TNS3: variants seen among roughly 807,000 people sequenced by gnomAD.
TNS3 encodes the protein tensin-3.
A neutral mutation model predicts 140.9 loss-of-function variants in TNS3; 45 were observed. That is an observed-to-expected ratio of 0.32 (90% CI 0.25 to 0.41). The LOEUF (loss-of-function observed/expected upper bound fraction) is 0.41. Ranked by LOEUF, TNS3 falls within the 10% of genes least tolerant of loss-of-function variation. The probability of loss-of-function intolerance (pLI) is 1.00; values close to 1 mark genes in which losing one functional copy is unlikely to be tolerated. For missense variants in TNS3, 1,716 were observed against 1,906.7 expected, an observed-to-expected ratio of 0.90 and a Z score of 1.86; for synonymous variants, 815 against 788.4, an observed-to-expected ratio of 1.03 and a Z score of -0.56.
At chr7:47,318,015 C>T (rs745408895) in intron 20 of TNS3, among the ~76,000 whole-genome samples, 2 of 152,210 alleles carry the variant, frequency 1.3e-5, no homozygotes, top group Non-Finnish European at 2.9e-5. Context: ...CAAGTACATT[C>T]ACTTTTTCGT....
At chr7:47,289,896 T>C (rs1785604995) in intron 27 of TNS3, among the ~76,000 whole-genome samples, 1 of 152,214 alleles carries the variant, frequency 6.6e-6, no homozygotes, top group Non-Finnish European at 1.5e-5. Flanking sequence ...AAAGTGATTC[T>C]ACAGTTAATA....
chr7:47,427,755 G>T (rs137980199), intron 9 of TNS3, among the ~76,000 whole-genome samples: 1 of 152,308 alleles, frequency 6.6e-6, no homozygotes, highest in East Asian at 1.9e-4. Context: ...CCACTCCTAG[G>T]CTGTGAGATC....
At chr7:47,509,151 G>A (rs334501) in intron 2 of TNS3, among the ~76,000 whole-genome samples, 53,037 of 152,176 alleles carry the variant, frequency 0.35, 10,733 homozygotes, top group Non-Finnish European at 0.46. Context: ...GGTGGCAGTG[G>A]TATGATACAT....
intron 9 of TNS3, among the ~76,000 whole-genome samples, chr7:47,426,036 C>T (rs1794628944): frequency 6.6e-6 from 1 of 151,786 alleles, no homozygotes; most frequent in African/African-American, 2.4e-5. Flanking sequence ...AAAAAACACA[C>T]ACTTAGGAGG....
intron 5 of TNS3, 79 bp downstream of exon 5, chr7:47,441,924 T>C (rs1795484550): frequency 9.8e-7 from 1 of 1,017,238 alleles, no homozygotes; most frequent in Admixed American, 2.3e-5. Context: ...AAGAAAATGA[T>C]GCCATGCCCA....
chr7:47,438,663 G>A (rs1795310826), intron 6 of TNS3, among the ~76,000 whole-genome samples: 3 of 152,158 alleles, frequency 2.0e-5, no homozygotes, highest in Admixed American at 2.0e-4. Context: ...GGCCAGGGCT[G>A]CTCTGGCATC....
chr7:47,380,954 A>G (rs1302435684), intron 16 of TNS3, among the ~76,000 whole-genome samples: 2 of 152,170 alleles, frequency 1.3e-5, no homozygotes, highest in Non-Finnish European at 2.9e-5. Context: ...CCACTAGTGT[A>G]GAAGGTAAAA....
At chr7:47,516,499 C>T (rs1455964315) in intron 2 of TNS3, among the ~76,000 whole-genome samples, 1 of 152,110 alleles carries the variant, frequency 6.6e-6, no homozygotes, top group African/African-American at 2.4e-5. Flanking sequence ...GCCTTGTCTA[C>T]ACCTGCAGTG....
At chr7:47,372,025 C>T (rs1230753943) in intron 16 of TNS3, among the ~76,000 whole-genome samples, 1 of 152,254 alleles carries the variant, frequency 6.6e-6, no homozygotes, top group African/African-American at 2.4e-5. Context: ...AATTTGGTTT[C>T]TGTTTAGATT....
chr7:47,402,787 T>C (rs1011078018), intron 13 of TNS3, among the ~76,000 whole-genome samples: 4 of 152,118 alleles, frequency 2.6e-5, no homozygotes, highest in African/African-American at 7.2e-5. Context: ...GAAAAGTGGT[T>C]AGGGAAGGGA....
At chr7:47,557,440 A>C (rs186688009) in intron 1 of TNS3, among the ~76,000 whole-genome samples, 1 of 152,286 alleles carries the variant, frequency 6.6e-6, no homozygotes, top group Non-Finnish European at 1.5e-5. Context: ...TAATCTTTCA[A>C]ATACAGGAAA....
chr7:47,582,203 C>T (rs1784554745), upstream of TNS3: 1 of 152,214 alleles, frequency 6.6e-6, no homozygotes. Context: ...CGGCCGGCCC[C>T]CGCGCCCGCG....
intron 4 of TNS3, among the ~76,000 whole-genome samples, chr7:47,451,266 C>A (rs1362803796): frequency 6.6e-6 from 1 of 152,118 alleles, no homozygotes; most frequent in African/African-American, 2.4e-5. Context: ...TGAAAACTAG[C>A]AGTGTAAACA....
chr7:47,507,047 G>C (rs915301442), intron 2 of TNS3, 103 bp from the exon 3 acceptor site: 3 of 990,594 alleles, frequency 3.0e-6, no homozygotes, highest in Non-Finnish European at 2.7e-6. Flanking sequence ...CTGGCTTGAA[G>C]ATCCCATAGG....
chr7:47,411,912 T>G (rs1793793968), intron 12 of TNS3, 110 bp from the exon 13 acceptor site: 2 of 975,008 alleles, frequency 2.1e-6, no homozygotes, highest in Non-Finnish European at 1.6e-6. Context: ...TTACACAGAA[T>G]GCCCAATCAG....
Position 47,275,438 on chromosome 7 carries a change from T to G in TNS3, c.*2638A>C, listed in dbSNP as rs566039085. The G allele has an allele frequency of 5.9e-6, 1 of 169,442 alleles. No homozygotes were observed. Among genetic ancestry groups the G allele is most frequent in the South Asian group, 1.5e-4 (1 of 6,766 alleles). 10.5% of individuals were successfully genotyped at this position (169,442 alleles called of 1,614,324 possible). ...AGTTAGTAGGACCCTGGCTATAACA[T>G]GCGTTGGGCACAGTTCGTGAACTCT... On this transcript the variant is annotated 3_prime_UTR_variant, in exon 31 of 31. Transcript: ENST00000311160.
At chr7:47,297,266 A>C in intron 23 of TNS3, 53 bp from the exon 24 acceptor site, 5 of 1,560,528 alleles carry the variant, frequency 3.2e-6, no homozygotes, top group Non-Finnish European at 4.3e-6. Flanking sequence ...ACAAAGGTCT[A>C]TGCCCACTCA....
intron 3 of TNS3, among the ~76,000 whole-genome samples, chr7:47,495,209 A>G (rs1168429856): frequency 6.6e-6 from 1 of 151,610 alleles, no homozygotes; most frequent in Non-Finnish European, 1.5e-5. Flanking sequence ...AAAAAAAAAA[A>G]AAGAAACGTT....
intron 4 of TNS3, among the ~76,000 whole-genome samples, chr7:47,455,654 T>G (rs1166657791): frequency 6.6e-6 from 1 of 151,754 alleles, no homozygotes; most frequent in Non-Finnish European, 1.5e-5. Context: ...GTCCTGGAGG[T>G]GCTGGATAAG....
Sources: allele counts gnomAD v4.1 joint callset (sites outside exome capture counted in the v4.1 genomes callset), GRCh38; gene constraint gnomAD v4.1.1; transcripts MANE v1.5; gene names NCBI Gene and HGNC (gene_info 2026-07-23, HGNC 2026-07-21).